Variants in PREX2 observed in about 807,000 individuals in gnomAD.
PREX2 encodes phosphatidylinositol 3,4,5-trisphosphate-dependent Rac exchanger 2 protein.
PREX2 carries 107 observed loss-of-function variants against 203.2 expected under a neutral mutation model. The observed-to-expected ratio is 0.53, with a 90% CI of 0.45 to 0.62. The LOEUF (loss-of-function observed/expected upper bound fraction) is 0.62. Ranked by LOEUF, PREX2 falls within the 20% of genes least tolerant of loss-of-function variation. The pLI is 0.00. For missense variants in PREX2, 1,777 were observed against 1,955.9 expected (o/e 0.91, Z 1.72); for synonymous variants, 672 against 663.6 (o/e 1.01, Z -0.19).
At chr8:68,146,170 T>A in intron 33 of PREX2, 39 bp from the exon 34 acceptor site, 1 of 1,450,520 alleles carries the variant, frequency 6.9e-7, no homozygotes, top group Non-Finnish European at 9.5e-7. Context: ...TAGCATATCC[T>A]TATTTTAGGA....
At chr8:68,229,780 C>T (rs1813130473) in intron 39 of PREX2, among the ~76,000 whole-genome samples, 1 of 152,144 alleles carries the variant, frequency 6.6e-6, no homozygotes, top group Admixed American at 6.5e-5. Context: ...TGACTAAGCC[C>T]ATTGTGCCTT....
At chr8:68,074,990 T>G (rs1288260717) in intron 14 of PREX2, among the ~76,000 whole-genome samples, 1 of 152,228 alleles carries the variant, frequency 6.6e-6, no homozygotes, top group Non-Finnish European at 1.5e-5. Flanking sequence ...AAATACCCTG[T>G]TTCACAAAGT....
At chr8:68,047,610 G>T (rs1808407718) in intron 8 of PREX2, among the ~76,000 whole-genome samples, 1 of 149,574 alleles carries the variant, frequency 6.7e-6, no homozygotes, top group Non-Finnish European at 1.5e-5. Flanking sequence ...ATCTTGCCTA[G>T]GCTGGACTTG....
intron 25 of PREX2, chr8:68,111,000 T>C: frequency 2.4e-6 from 1 of 410,432 alleles, no homozygotes; most frequent in Non-Finnish European, 4.8e-6. Context: ...CATGACATCT[T>C]TGAATTGTGT....
intron 35 of PREX2, among the ~76,000 whole-genome samples, chr8:68,179,562 T>C (rs1812045472): frequency 6.6e-6 from 1 of 152,112 alleles, no homozygotes; most frequent in African/African-American, 2.4e-5. Flanking sequence ...GTTAGCAGTT[T>C]CTGTTTTCCC....
At chr8:67,996,898 C>T (rs930407817) in intron 1 of PREX2, among the ~76,000 whole-genome samples, 15 of 152,086 alleles carry the variant, frequency 9.9e-5, no homozygotes, top group Admixed American at 1.3e-4. Context: ...AATGATATTT[C>T]CTTCTCTGTT....
chr8:68,018,010 C>A, intron 2 of PREX2, 93 bp downstream of exon 2: 1 of 865,806 alleles, frequency 1.2e-6, no homozygotes, highest in South Asian at 1.4e-5. Context: ...TTCAGTTGAT[C>A]GGCAGTTCCA....
chr8:68,044,224 AT>A (rs1808277340), intron 7 of PREX2, among the ~76,000 whole-genome samples: 3 of 152,096 alleles, frequency 2.0e-5, no homozygotes, highest in Non-Finnish European at 4.4e-5. Context: ...GCAAAAGCAC[AT>A]ACTCACTCTC....
chr8:67,993,052 G>T (rs919922752), intron 1 of PREX2, among the ~76,000 whole-genome samples: 2 of 152,126 alleles, frequency 1.3e-5, no homozygotes, highest in African/African-American at 4.8e-5. Context: ...ACGTTTGTAA[G>T]CAGATTTCAA....
At chr8:67,988,179 A>G (rs1244920925) in intron 1 of PREX2, among the ~76,000 whole-genome samples, 2 of 152,176 alleles carry the variant, frequency 1.3e-5, no homozygotes, top group Non-Finnish European at 2.9e-5. Context: ...TTACCTTACT[A>G]TCTGCCTCTC....
chr8:68,089,766 CA>C (rs1809811867), intron 19 of PREX2, among the ~76,000 whole-genome samples: 1 of 152,146 alleles, frequency 6.6e-6, no homozygotes, highest in South Asian at 2.1e-4. Context: ...AGACATTGGT[CA>C]CAAAAGAAGT....
intron 2 of PREX2, 45 bp from the exon 3 acceptor site, chr8:68,019,504 A>T: frequency 6.5e-7 from 1 of 1,542,506 alleles, no homozygotes; most frequent in South Asian, 1.2e-5. Context: ...GACTTAAAAA[A>T]ATTGCTTCAC....
At chr8:68,059,454 T>C (rs1341934866) in intron 10 of PREX2, among the ~76,000 whole-genome samples, 3 of 152,226 alleles carry the variant, frequency 2.0e-5, no homozygotes, top group Admixed American at 6.5e-5. Flanking sequence ...ACAGTTCTGA[T>C]GGATGGTTCT....
At chr8:68,096,530 T>C (rs2129612450) in intron 21 of PREX2, among the ~76,000 whole-genome samples, 1 of 152,162 alleles carries the variant, frequency 6.6e-6, no homozygotes, top group East Asian at 1.9e-4. Context: ...GCCCTCTCTG[T>C]AAGTTGCTGT....
intron 11 of PREX2, among the ~76,000 whole-genome samples, chr8:68,063,056 A>C (rs1237148636): frequency 3.3e-5 from 5 of 152,202 alleles, no homozygotes; most frequent in African/African-American, 1.2e-4. Context: ...AAAACATCTA[A>C]AAGCATTATA....
chr8:68,053,055 G>T, intron 8 of PREX2, 42 bp from the exon 9 acceptor site: 1 of 1,563,236 alleles, frequency 6.4e-7, no homozygotes, highest in Non-Finnish European at 8.8e-7. Context: ...ATAATATTGT[G>T]TATTACATTT....
chr8:68,127,358 T>G lies in PREX2; in HGVS notation c.3725-20T>G. 2 of 1,575,720 alleles carry G rather than the reference T, an allele frequency of 1.3e-6. No homozygotes were observed. The highest frequency in any genetic ancestry group is 1.7e-6 in the Non-Finnish European group (2 of 1,149,258). On this transcript the variant is annotated intron_variant, in intron 30 of 39. Coordinates refer to ENST00000288368, the MANE Select transcript of PREX2 (RefSeq NM_024870.4). ...ACAGAAAGAGTGAACAATTAACTGA[T>G]GTGTTTTCTTTCTCTGCAGAGGTAA... is the stretch of plus-strand genomic sequence containing the variant.
intron 7 of PREX2, among the ~76,000 whole-genome samples, chr8:68,043,217 A>G (rs1415230389): frequency 6.6e-6 from 1 of 152,134 alleles, no homozygotes; most frequent in Non-Finnish European, 1.5e-5. Flanking sequence ...TTACTAATGA[A>G]GAACATTTAG....
chr8:67,959,531 A>T (rs373001623), intron 1 of PREX2, among the ~76,000 whole-genome samples: 1 of 152,146 alleles, frequency 6.6e-6, no homozygotes, highest in African/African-American at 2.4e-5. Context: ...GTGAAAACAG[A>T]AAGTGGCAGA....
Sources: allele counts gnomAD v4.1 joint callset (sites outside exome capture counted in the v4.1 genomes callset), GRCh38; gene constraint gnomAD v4.1.1; transcripts MANE v1.5; gene names NCBI Gene and HGNC (gene_info 2026-07-23, HGNC 2026-07-21).